GLYATL2: variants seen among roughly 807,000 people sequenced by gnomAD.
GLYATL2 encodes the protein glycine-N-acyltransferase like 2, also known as glycine N-acyltransferase-like protein 2.
Under a neutral mutation model 21.4 loss-of-function variants are expected in GLYATL2, and 25 were observed. The ratio of observed to expected loss-of-function variants is 1.17; its 90% confidence interval spans 0.85 to 1.63. The LOEUF is 1.63. Ranked by LOEUF, GLYATL2 falls within the 40% of genes most tolerant of loss-of-function variation. The probability of loss-of-function intolerance (pLI) is 0.00; values close to 1 mark genes in which losing one functional copy is unlikely to be tolerated. For synonymous variants in GLYATL2, 114 were observed against 118.2 expected (o/e 0.96, Z 0.23); for missense variants, 361 against 343.3 (o/e 1.05, Z -0.41).
chr11:58,847,418 G>A (rs1853662817), upstream of GLYATL2, among the ~76,000 whole-genome samples: 1 of 152,198 alleles, frequency 6.6e-6, no homozygotes, highest in African/African-American at 2.4e-5. Flanking sequence ...GCAGGACTTA[G>A]CTCTTGAACA....
chr11:58,887,310 C>A (rs7116544), intron 1 of GLYATL2, among the ~76,000 whole-genome samples: 3 of 152,070 alleles, frequency 2.0e-5, no homozygotes, highest in Admixed American at 6.5e-5. Context: ...TTCATCTAGT[C>A]TGATTCCATA....
chr11:58,893,681 A>G (rs1854586223), intron 1 of GLYATL2, among the ~76,000 whole-genome samples: 1 of 152,188 alleles, frequency 6.6e-6, no homozygotes. Context: ...TTGAATATGC[A>G]TAAGTGTTGT....
At chr11:58,893,040 T>C (rs1854572220) in intron 1 of GLYATL2, 1 of 364,630 alleles carries the variant, frequency 2.7e-6, no homozygotes, top group Non-Finnish European at 5.3e-6. Context: ...TTGTTTTCTA[T>C]AGTAAAACTC....
In GLYATL2 at chr11:58,874,059, A is replaced by G. The variant is rs187222649; in HGVS notation, n.60+30097T>C. 2.0e-3 allele frequency among the ~76,000 whole-genome samples: 305 copies of G among 152,070 alleles called. 1 individual carries two copies. Among genetic ancestry groups the G allele is most frequent in the Non-Finnish European group, 3.4e-3 (232 of 67,942 alleles). Reference sequence around the variant, plus strand: ...AATTTATCCATTTCTTCTAGATTTTATAGTTTATTTGTGTAGAGGTGTTTA... The same window carrying G: ...AATTTATCCATTTCTTCTAGATTTTGTAGTTTATTTGTGTAGAGGTGTTTA... On this transcript the variant is annotated intron_variant and non_coding_transcript_variant, in intron 1 of 4. Transcript: ENST00000533636.
intron 1 of GLYATL2, among the ~76,000 whole-genome samples, chr11:58,896,458 T>C (rs1007644569): frequency 6.6e-6 from 1 of 152,234 alleles, no homozygotes; most frequent in African/African-American, 2.4e-5. Context: ...CCACTCCTTT[T>C]GCGTCCACAT....
At chr11:58,839,310 C>A (rs1365703140) in intron 2 of GLYATL2, among the ~76,000 whole-genome samples, 2 of 152,070 alleles carry the variant, frequency 1.3e-5, no homozygotes, top group African/African-American at 4.8e-5. Flanking sequence ...GAAGAGATGA[C>A]AAAGTACACC....
chr11:58,879,132 T>C (rs1565103143), intron 1 of GLYATL2, among the ~76,000 whole-genome samples: 1 of 152,180 alleles, frequency 6.6e-6, no homozygotes, highest in Admixed American at 6.5e-5. Context: ...TAGCATTTAT[T>C]CTGTTTTCAT....
chr11:58,898,836 A>T (rs1431892671), intron 1 of GLYATL2, among the ~76,000 whole-genome samples: 1 of 152,158 alleles, frequency 6.6e-6, no homozygotes, highest in African/African-American at 2.4e-5. Flanking sequence ...CCATCTTAAA[A>T]AAAATAAAAT....
chr11:58,887,404 GA>G (rs1037286436), intron 1 of GLYATL2, among the ~76,000 whole-genome samples: 1 of 151,962 alleles, frequency 6.6e-6, no homozygotes. Context: ...AATTTATATA[GA>G]AAAAAAGTAA....
At chr11:58,842,579 A>T (rs1469076832) in intron 1 of GLYATL2, among the ~76,000 whole-genome samples, 1 of 151,302 alleles carries the variant, frequency 6.6e-6, no homozygotes, top group Non-Finnish European at 1.5e-5. Context: ...GCTCTGAGCT[A>T]CCAGGACAGG....
intron 1 of GLYATL2, among the ~76,000 whole-genome samples, chr11:58,851,247 G>A (rs1433531995): frequency 6.6e-6 from 1 of 152,150 alleles, no homozygotes; most frequent in African/African-American, 2.4e-5. Context: ...TTTGTCTTGT[G>A]TCTTTATTTC....
intron 1 of GLYATL2, among the ~76,000 whole-genome samples, chr11:58,841,419 T>C (rs1853550771): frequency 6.6e-6 from 1 of 152,180 alleles, no homozygotes; most frequent in Admixed American, 6.5e-5. Flanking sequence ...TAATATCTAC[T>C]TTGTAGGTTG....
At chr11:58,841,061 T>G (rs1373142222) in intron 1 of GLYATL2, among the ~76,000 whole-genome samples, 1 of 151,996 alleles carries the variant, frequency 6.6e-6, no homozygotes, top group Non-Finnish European at 1.5e-5. Flanking sequence ...TATAAATATG[T>G]AATACCTCAT....
At chr11:58,837,757 T>C (rs1476710960) in intron 3 of GLYATL2, among the ~76,000 whole-genome samples, 1 of 152,198 alleles carries the variant, frequency 6.6e-6, no homozygotes, top group Non-Finnish European at 1.5e-5. Flanking sequence ...TGACAAGGTG[T>C]CACCTGAGCT....
chr11:58,875,627 T>C (rs1028080664), intron 1 of GLYATL2, among the ~76,000 whole-genome samples: 1 of 152,234 alleles, frequency 6.6e-6, no homozygotes, highest in Non-Finnish European at 1.5e-5. Context: ...CCCCACTCTC[T>C]TCTGGCTTGT....
At chr11:58,872,519 C>G (rs1260957641) in intron 1 of GLYATL2, among the ~76,000 whole-genome samples, 2 of 152,222 alleles carry the variant, frequency 1.3e-5, no homozygotes, top group African/African-American at 2.4e-5. Context: ...CCAGTTTTCC[C>G]AGCACCATTT....
chr11:58,897,579 G>GCA (rs371414233), intron 1 of GLYATL2, among the ~76,000 whole-genome samples: 9 of 151,034 alleles, frequency 6.0e-5, no homozygotes, highest in African/African-American at 2.2e-4. Flanking sequence ...ACACATAAAT[G>GCA]CACACACACA....
At chr11:58,898,476 T>C (rs1255133091) in intron 1 of GLYATL2, among the ~76,000 whole-genome samples, 1 of 92,078 alleles carries the variant, frequency 1.1e-5, no homozygotes, top group Admixed American at 1.5e-4. Context: ...CTCACTATTG[T>C]TTCCTCTTTT....
intron 1 of GLYATL2, among the ~76,000 whole-genome samples, chr11:58,894,367 C>T (rs190794080): frequency 6.6e-6 from 1 of 150,626 alleles, no homozygotes; most frequent in Admixed American, 6.7e-5. Context: ...ATTCTGAATC[C>T]CTGATCTTAA....
Sources: gnomAD v4.1 joint callset for allele counts (sites outside exome capture counted in the v4.1 genomes callset) on GRCh38, gnomAD v4.1.1 for gene constraint, MANE v1.5 for transcripts, NCBI Gene and HGNC (gene_info 2026-07-23, HGNC 2026-07-21) for gene names.